HORMAD1: variants seen among roughly 807,000 people sequenced by gnomAD.
HORMAD1 encodes HORMA domain containing 1.
HORMAD1 carries 33 observed loss-of-function variants against 58.2 expected under a neutral mutation model. That is an observed-to-expected ratio of 0.57 (90% confidence interval 0.43 to 0.76). The LOEUF (loss-of-function observed/expected upper bound fraction) is 0.76, where lower values mean the gene tolerates loss of function less well. Among genes scored for constraint, HORMAD1 ranks in the 30% least tolerant of loss-of-function variants. The pLI is 0.00. For missense variants in HORMAD1, 363 were observed against 462.0 expected (o/e 0.79, Z 1.96); for synonymous variants, 137 against 144.6 (o/e 0.95, Z 0.38).
chr1:150,701,174 A>G (rs943009210), intron 13 of HORMAD1, among the ~76,000 whole-genome samples: 1 of 152,184 alleles, frequency 6.6e-6, no homozygotes, highest in African/African-American at 2.4e-5. Context: ...ATGTCCCTAA[A>G]TCATCTTAAT....
intron 13 of HORMAD1, among the ~76,000 whole-genome samples, chr1:150,703,048 A>G (rs1651582312): frequency 6.6e-6 from 1 of 152,164 alleles, no homozygotes; most frequent in Non-Finnish European, 1.5e-5. Flanking sequence ...AAAATTAACC[A>G]TTCCTTTCTT....
chr1:150,706,437 A>G, intron 10 of HORMAD1, 116 bp downstream of exon 10: 4 of 929,608 alleles, frequency 4.3e-6, no homozygotes, highest in Non-Finnish European at 6.4e-6. Context: ...TTCAACCTTG[A>G]GTTTATGATT....
intron 12 of HORMAD1, 126 bp downstream of exon 12, chr1:150,703,992 G>A: frequency 1.6e-6 from 1 of 610,052 alleles, no homozygotes; most frequent in Non-Finnish European, 2.8e-6. Flanking sequence ...TTAATAACAA[G>A]CATTCTAAAT....
In HORMAD1 at chr1:150,704,326, T is replaced by C. The variant is rs1651621064; in HGVS notation, c.822A>G (p.Glu274=). The change falls in exon 11 of 15, where the codon GAA becomes GAG. Residue 274 remains glutamate (E), a synonymous_variant. Coordinates refer to ENST00000361824, the MANE Select transcript of HORMAD1 (RefSeq NM_032132.5). Reference sequence around the variant, plus strand: ...TTTTTTCCTGTTCTTCCATTTTAGTTTCAATGTCCAAATCATCCTACATAA... The same window carrying C: ...TTTTTTCCTGTTCTTCCATTTTAGTCTCAATGTCCAAATCATCCTACATAA... ...EHYTSDDLDI[E]TKMEEQEKNP... 1 of 1,581,768 alleles carries C rather than the reference T, an allele frequency of 6.3e-7. No individual in the cohort carries two copies. Among genetic ancestry groups the C allele is most frequent in the Non-Finnish European group, 8.6e-7 (1 of 1,165,640 alleles).
chr1:150,714,556 C>A, intron 4 of HORMAD1, 59 bp downstream of exon 4: 2 of 905,268 alleles, frequency 2.2e-6, no homozygotes, highest in South Asian at 2.3e-5. Flanking sequence ...ATCCAAGGTA[C>A]AAAAAAAAGT....
In HORMAD1 at chr1:150,703,413, C is replaced by A. The variant is rs755077098; in HGVS notation, c.949-20G>T. The A allele has an allele frequency of 1.5e-6, 2 of 1,323,240 alleles. No homozygotes were observed. Among genetic ancestry groups the A allele is most frequent in the Admixed American group, 2.0e-5 (1 of 49,610 alleles). 82.0% of individuals were successfully genotyped at this position (1,323,240 alleles called of 1,614,324 possible). A position where few individuals can be genotyped will look rare whatever the true frequency, so the allele number is the denominator to read the frequency against. On this transcript the variant is annotated intron_variant, in intron 12 of 14. Transcript: ENST00000361824. Reference sequence around the variant, plus strand: ...CTCAACCTAAAAAAGAAAATAATTACAAAAAATATAACTTAGTATAATAAA... The same window carrying A: ...CTCAACCTAAAAAAGAAAATAATTAAAAAAAATATAACTTAGTATAATAAA...
In HORMAD1 at chr1:150,719,688, T is replaced by C. The variant is rs587620132; in HGVS notation, c.-33-150A>G. 44 of 476,622 alleles carry C rather than the reference T, an allele frequency of 9.2e-5. 1 individual carries two copies. Among genetic ancestry groups the C allele is most frequent in the Middle Eastern group, 5.6e-4 (1 of 1,794 alleles). 29.5% of individuals were successfully genotyped at this position (476,622 alleles called of 1,614,324 possible). On this transcript the variant is annotated intron_variant, in intron 1 of 14. Coordinates refer to ENST00000361824, the MANE Select transcript of HORMAD1 (RefSeq NM_032132.5). ...GTCTTCAAAAACGTAGAGGTCGATA[T>C]TGCAGTAGAACCATTTTGAGTAGGG...
chr1:150,718,868 A>G (rs1040390769), intron 2 of HORMAD1, among the ~76,000 whole-genome samples: 2 of 152,236 alleles, frequency 1.3e-5, no homozygotes, highest in African/African-American at 4.8e-5. Context: ...TATGAACAAT[A>G]ATTTCATCAA....
chr1:150,710,942 T>C (rs587638109), intron 7 of HORMAD1, among the ~76,000 whole-genome samples: 2 of 152,286 alleles, frequency 1.3e-5, no homozygotes, highest in East Asian at 1.9e-4. Flanking sequence ...AAGAAACCCC[T>C]TGTACTTAGA....
chr1:150,698,817 TTTCTC>T (rs1651448410), intron 14 of HORMAD1, 83 bp from the exon 15 acceptor site: 1 of 791,642 alleles, frequency 1.3e-6, no homozygotes, highest in Non-Finnish European at 2.0e-6. Flanking sequence ...GTATCTGAGA[TTTCTC>T]TTCTTTTTAA....
Position 150,714,116 on chromosome 1 carries a change from A to C in HORMAD1, c.248T>G (p.Leu83Arg). Residue 83 changes from leucine (L) to arginine (R), a missense_variant, in exon 5 of 15, where the codon CTA becomes CGA. Around this residue, in one of 3 missense-constraint regions of HORMAD1, gnomAD observed 128 missense variants for 171.8 expected, o/e 0.74. Coordinates refer to ENST00000361824, the MANE Select transcript of HORMAD1 (RefSeq NM_032132.5). ...TTTCTGTAAAGCATCATAACATCCT[A>C]GCATCCTAAAAAAAAAATCAAGGAT... ...PGSTQLVKWM[L>R]GCYDALQKKY... 3 of 1,524,764 alleles carry C rather than the reference A, an allele frequency of 2.0e-6. No homozygotes were observed. In the South Asian group the frequency reaches 3.6e-5, roughly 18 times the overall value. 94.5% of individuals were successfully genotyped at this position (1,524,764 alleles called of 1,614,324 possible).
rs1651616215 is a variant in HORMAD1, at chr1:150,704,194, T to C, written c.872A>G (p.Glu291Gly). The change falls in exon 12 of 15, where the codon GAA (glutamate) becomes GGA (glycine). Residue 291 changes from glutamate (E) to glycine (G), a missense_variant and splice_region_variant. By Grantham distance (98) the Glu-to-Gly change is moderately conservative (BLOSUM62 -2). Around this residue, in one of 3 missense-constraint regions of HORMAD1, gnomAD observed 226 missense variants for 257.8 expected, o/e 0.88. Coordinates refer to ENST00000361824, the MANE Select transcript of HORMAD1 (RefSeq NM_032132.5). ...ATCTTCCTCACAAACTAAACTTGGT[T>C]CTGTAAAAAAAAAAAAAAAAAGTTA... The part of the protein sequence containing the change: ...EKNPASSELE[E>G]PSLVCEEDEI... 1 of 1,563,278 alleles carries C rather than the reference T, an allele frequency of 6.4e-7. No individual in the cohort carries two copies. Among genetic ancestry groups the C allele is most frequent in the African/African-American group, 1.4e-5 (1 of 72,224 alleles).
At chr1:150,719,387 C>T (rs999799341) in intron 2 of HORMAD1, 86 bp downstream of exon 2, 4 of 789,448 alleles carry the variant, frequency 5.1e-6, no homozygotes, top group African/African-American at 1.8e-5. Flanking sequence ...AATAGTTGAG[C>T]CCTAACTTCC....
chr1:150,711,772 A>C, intron 6 of HORMAD1, 61 bp downstream of exon 6: 1 of 1,182,966 alleles, frequency 8.5e-7, no homozygotes, highest in East Asian at 2.4e-5. Context: ...AGTGTCATTT[A>C]ATTAAGCAAG....
At chr1:150,705,591 T>C (rs1651667498) in intron 10 of HORMAD1, among the ~76,000 whole-genome samples, 1 of 152,288 alleles carries the variant, frequency 6.6e-6, no homozygotes, top group Non-Finnish European at 1.5e-5. Context: ...CTCAGTCATG[T>C]TATGGTAGAA....
intron 12 of HORMAD1, 25 bp downstream of exon 12, chr1:150,704,093 T>A: frequency 6.7e-7 from 1 of 1,490,982 alleles, no homozygotes; most frequent in Non-Finnish European, 9.1e-7. Flanking sequence ...AAAACAAAAG[T>A]GAGATGAAAC....
At chr1:150,714,229 T>TTA in intron 4 of HORMAD1, 108 bp from the exon 5 acceptor site, 1 of 644,504 alleles carries the variant, frequency 1.6e-6, no homozygotes, top group Non-Finnish European at 2.7e-6. Context: ...AAAAATGTCT[T>TTA]ATTAAAGCTC....
intron 2 of HORMAD1, 53 bp downstream of exon 2, chr1:150,719,420 G>A: frequency 1.7e-6 from 2 of 1,155,646 alleles, no homozygotes; most frequent in East Asian, 2.4e-5. Flanking sequence ...GAGACTTCAA[G>A]AAACAATAAA....
rs961852238 is a variant in HORMAD1 at position 150,711,896 on chromosome 1, A to G, written c.280-43T>C. ...ACAAAAATCTTACTTGTAGTCTATA[A>G]AATAATTTTTCATTACGAATCATAA... On this transcript the variant is annotated intron_variant, in intron 5 of 14. Coordinates refer to ENST00000361824, the MANE Select transcript of HORMAD1 (RefSeq NM_032132.5). 140 of 1,345,874 alleles carry G rather than the reference A, an allele frequency of 1.0e-4. 1 individual carries two copies. Among genetic ancestry groups the G allele is most frequent in the Non-Finnish European group, 1.1e-5 (10 of 950,570 alleles). The allele number at this position is 1,345,874 out of a possible 1,614,324, so 83.4% of individuals were successfully genotyped here.
Sources: allele counts gnomAD v4.1 joint callset (sites outside exome capture counted in the v4.1 genomes callset), GRCh38; gene constraint gnomAD v4.1.1; regional missense constraint gnomAD v4.1.1; transcripts MANE v1.5; gene names NCBI Gene and HGNC (gene_info 2026-07-23, HGNC 2026-07-21).